The following LRRC61 variants were observed in gnomAD, a reference collection of about 807,000 sequenced individuals.
LRRC61 encodes leucine rich repeat containing 61.
A neutral mutation model predicts 15.1 loss-of-function variants in LRRC61; 9 were observed. The ratio of observed to expected loss-of-function variants is 0.60; its 90% CI spans 0.36 to 1.04. The LOEUF (loss-of-function observed/expected upper bound fraction) is 1.04, where lower values mean the gene tolerates loss of function less well. Ranked by LOEUF, LRRC61 falls within the 50% of genes least tolerant of loss-of-function variation. The probability of loss-of-function intolerance (pLI) is 0.01; values close to 1 mark genes in which losing one functional copy is unlikely to be tolerated. For synonymous variants in LRRC61, 173 were observed against 158.6 expected (o/e 1.09, Z -0.68); for missense variants, 344 against 335.6 (o/e 1.03, Z -0.20).
At chr7:150,315,759 T>C in the LRRC61 span, among the ~76,000 whole-genome samples, 1 of 152,202 alleles carries the variant, frequency 6.6e-6, no homozygotes, top group Non-Finnish European at 1.5e-5. Context: ...CACATGCTTA[T>C]GTATATTCAT....
rs759143074 is a variant in LRRC61 at position 150,330,873 on chromosome 7, T to C, written c.-145+4863T>C. 1.6e-5 allele frequency: 26 copies of C among 1,611,038 alleles called. No individual in the cohort carries two copies. Among genetic ancestry groups the C allele is most frequent in the Non-Finnish European group, 2.1e-5 (25 of 1,178,404 alleles). ...GGAGCCTCTGCAGAGCAGCAGCCACTCTGGGGCCTTCCTGCTGGCCCAGAG... is the reference window on the plus strand; with the variant it reads ...GGAGCCTCTGCAGAGCAGCAGCCACCCTGGGGCCTTCCTGCTGGCCCAGAG... On this transcript the variant is annotated intron_variant, in intron 2 of 2. Transcript: ENST00000359623. This position sits in a 1 kb window ranked among gnomAD's most constrained non-coding sequence, Gnocchi z 4.6.
At chr7:150,328,692 A>G (rs991795046) in intron 2 of LRRC61, 2 of 152,242 alleles carry the variant, frequency 1.3e-5, no homozygotes, top group East Asian at 1.9e-4. Flanking sequence ...TGCACACCAC[A>G]TGAAGAGGCC....
chr7:150,319,608 A>C (rs11983355), upstream of LRRC61, among the ~76,000 whole-genome samples: 38,709 of 152,128 alleles, frequency 0.25, 5,141 homozygotes, highest in East Asian at 0.42. Flanking sequence ...GGTGCCTTTG[A>C]CTTTGGGAAG....
At chr7:150,314,824 C>T in the LRRC61 span, among the ~76,000 whole-genome samples, 872 of 149,144 alleles carry the variant, frequency 5.8e-3, 10 homozygotes, top group African/African-American at 0.02. Context: ...CAGTGGCACA[C>T]ACCTGTAGTC....
chr7:150,319,398 G>A (rs1563215898), upstream of LRRC61, among the ~76,000 whole-genome samples: 1 of 152,046 alleles, frequency 6.6e-6, no homozygotes, highest in Non-Finnish European at 1.5e-5. Context: ...GTAGAAACGG[G>A]GTTTCTCCAT....
chr7:150,324,855 C>G (rs1797895259), intron 1 of LRRC61, among the ~76,000 whole-genome samples: 1 of 152,204 alleles, frequency 6.6e-6, no homozygotes, highest in South Asian at 2.1e-4. Flanking sequence ...TCCCCCACTT[C>G]CTGCTGTACC....
intron 1 of LRRC61, among the ~76,000 whole-genome samples, chr7:150,325,129 C>G (rs1172065887): frequency 6.6e-6 from 1 of 152,218 alleles, no homozygotes; most frequent in Non-Finnish European, 1.5e-5. Flanking sequence ...AGGAAAGAGG[C>G]TCACTGTGGA....
rs1416505074 is a variant in LRRC61, at chr7:150,337,696, CCT to C, written c.*60_*61del. ...AGGTGGCCTCGCTGCCCCCAGTTCC[CCT>C]CTCTGCCCCCACACTCGTCTTAGTT... On this transcript the variant is annotated 3_prime_UTR_variant, in exon 3 of 3. Coordinates refer to ENST00000359623, the MANE Select transcript of LRRC61 (RefSeq NM_001142928.2). 14 of 1,489,166 alleles carry C rather than the reference CCT, an allele frequency of 9.4e-6. No homozygotes were observed. Among genetic ancestry groups the C allele is most frequent in the Non-Finnish European group, 1.2e-5 (13 of 1,115,708 alleles). 92.2% of individuals were successfully genotyped at this position (1,489,166 alleles called of 1,614,324 possible). A position where few individuals can be genotyped will look rare whatever the true frequency, so the allele number is the denominator to read the frequency against.
the LRRC61 span, among the ~76,000 whole-genome samples, chr7:150,316,706 T>C: frequency 1.3e-5 from 2 of 151,984 alleles, no homozygotes; most frequent in South Asian, 4.2e-4. Context: ...GGATGGTCTC[T>C]ATCTCTTGAC....
chr7:150,314,587 G>A, the LRRC61 span, among the ~76,000 whole-genome samples: 4 of 151,998 alleles, frequency 2.6e-5, no homozygotes, highest in African/African-American at 4.8e-5. Flanking sequence ...GGTGTTTTTT[G>A]TGGGTATCTG....
intron 2 of LRRC61, chr7:150,331,088 T>A: frequency 6.2e-7 from 1 of 1,613,072 alleles, no homozygotes; most frequent in Non-Finnish European, 8.5e-7. Context: ...CATCTATCTG[T>A]CTTACCCCCC....
chr7:150,330,836 G>A lies in LRRC61; in HGVS notation c.-145+4826G>A. 1.2e-6 allele frequency: 2 copies of A among 1,609,176 alleles called. No homozygotes were observed. The highest frequency in any genetic ancestry group is 1.1e-5 in the South Asian group (1 of 90,958). ...TAGCCAAGAGCTCCGGGGTGGAGGG[G>A]AGAAGCCAGGGGGAGCCTCTGCAGA... On this transcript the variant is annotated intron_variant, in intron 2 of 2. Transcript: ENST00000359623. This position sits in a 1 kb window ranked among gnomAD's most constrained non-coding sequence, Gnocchi z 4.6.
intron 2 of LRRC61, among the ~76,000 whole-genome samples, chr7:150,334,412 C>T (rs1798217939): frequency 6.7e-6 from 1 of 148,228 alleles, no homozygotes; most frequent in South Asian, 2.2e-4. Flanking sequence ...TCAGCCTCCA[C>T]CTCTGCTGCT....
rs1279991673 is a variant in LRRC61 at position 150,330,252 on chromosome 7, T to G, written c.-145+4242T>G. 1 of 624,010 alleles carries G rather than the reference T, an allele frequency of 1.6e-6. No homozygotes were observed. The highest frequency in any genetic ancestry group is 1.8e-5 in the African/African-American group (1 of 54,704). 38.7% of individuals were successfully genotyped at this position (624,010 alleles called of 1,614,324 possible). On this transcript the variant is annotated intron_variant, in intron 2 of 2. Transcript: ENST00000359623. This position sits in a 1 kb window ranked among gnomAD's most constrained non-coding sequence, Gnocchi z 4.6. Reference sequence around the variant, plus strand: ...TGAGGAGCTCTTGGACCACTGGGTCTCGGCCTACCACCTGCTGGAGTGGCT... The same window carrying G: ...TGAGGAGCTCTTGGACCACTGGGTCGCGGCCTACCACCTGCTGGAGTGGCT...
At chr7:150,329,113 G>C (rs1438373450) in intron 2 of LRRC61, among the ~76,000 whole-genome samples, 1 of 152,200 alleles carries the variant, frequency 6.6e-6, no homozygotes, top group South Asian at 2.1e-4. Flanking sequence ...TGGCAGAAAA[G>C]CCAAGTCTCT....
rs1798303672 is a variant in LRRC61, at chr7:150,336,706, G to C, written c.-144-12G>C. The C allele has an allele frequency of 2.1e-6, 2 of 954,278 alleles. No individual in the cohort carries two copies. The highest frequency in any genetic ancestry group is 2.5e-5 in the Admixed American group (1 of 40,138). The allele number at this position is 954,278 out of a possible 1,614,324, so 59.1% of individuals were successfully genotyped here. On this transcript the variant is annotated splice_polypyrimidine_tract_variant and intron_variant, in intron 2 of 2. Coordinates refer to ENST00000359623, the MANE Select transcript of LRRC61 (RefSeq NM_001142928.2). ...AGAAAGTGCTGCCTGCTGACTGACT[G>C]TCTCTCCTCAGGGACTGGCTGGCTT...
rs746670986 is a variant in LRRC61 at position 150,330,937 on chromosome 7, C to T, written c.-145+4927C>T. On this transcript the variant is annotated intron_variant, in intron 2 of 2. Transcript: ENST00000359623. The surrounding 1 kb of genome is among the most constrained non-coding windows in gnomAD (Gnocchi z 4.6). ...CTGGAGAGCATGGGGCTGCTGGCCT[C>T]TGAGAGAAGCGGGGGCTCGCTGTCC... is the stretch of plus-strand genomic sequence containing the variant. 4 of 1,612,586 alleles carry T rather than the reference C, an allele frequency of 2.5e-6. No individual in the cohort carries two copies. Among genetic ancestry groups the T allele is most frequent in the Non-Finnish European group, 2.5e-6 (3 of 1,179,918 alleles).
the LRRC61 span, among the ~76,000 whole-genome samples, chr7:150,310,775 C>T: frequency 7.9e-5 from 12 of 152,242 alleles, no homozygotes; most frequent in South Asian, 2.1e-3. Context: ...TCTTTCTGCC[C>T]GTCTGCCTCC....
chr7:150,331,113 T>G, intron 2 of LRRC61: 2 of 1,607,634 alleles, frequency 1.2e-6, no homozygotes, highest in Non-Finnish European at 1.7e-6. Context: ...GAGCCTTCTC[T>G]GAAAGCATCT....
Sources: allele counts gnomAD v4.1 joint callset (sites outside exome capture counted in the v4.1 genomes callset), GRCh38; gene constraint gnomAD v4.1.1; non-coding constraint Gnocchi (gnomAD v3.1); transcripts MANE v1.5; gene names NCBI Gene and HGNC (gene_info 2026-07-23, HGNC 2026-07-21).